RAP1GDS1: variants seen among roughly 807,000 people sequenced by gnomAD.
RAP1GDS1 encodes the protein RAP1, GTP-GDP dissociation stimulator 1.
A neutral mutation model predicts 71.1 loss-of-function variants in RAP1GDS1; 35 were observed. That is an observed-to-expected ratio of 0.49 (90% CI 0.38 to 0.65). The LOEUF is 0.65. Ranked by LOEUF, RAP1GDS1 falls within the 30% of genes least tolerant of loss-of-function variation. The probability of loss-of-function intolerance (pLI) is 0.00; values close to 1 mark genes in which losing one functional copy is unlikely to be tolerated. For missense variants in RAP1GDS1, 663 were observed against 706.1 expected (o/e 0.94, Z 0.69); for synonymous variants, 229 against 243.1 (o/e 0.94, Z 0.54).
intron 4 of RAP1GDS1, among the ~76,000 whole-genome samples, chr4:98,357,147 A>G (rs1227481280): frequency 2.0e-5 from 3 of 151,936 alleles, no homozygotes; most frequent in African/African-American, 7.2e-5. Flanking sequence ...AGTTATATTC[A>G]AAAGGGAACT....
At chr4:98,292,130 C>CT (rs139869872) in intron 1 of RAP1GDS1, among the ~76,000 whole-genome samples, 5,721 of 139,706 alleles carry the variant, frequency 0.041, 244 homozygotes, top group African/African-American at 0.11. Flanking sequence ...TTTTTTTTTC[C>CT]TTTTTTTTTT....
Position 98,385,538 on chromosome 4 carries a change from C to A in RAP1GDS1, c.508+6375C>A, listed in dbSNP as rs73834463. ...AAAGTCCATTCAGAGAGGCGCTGAA[C>A]CCAGAAAAGCATCATGTGTAAATTA... On this transcript the variant is annotated intron_variant, in intron 5 of 14. Transcript: ENST00000408927. 3.8e-3 allele frequency among the ~76,000 whole-genome samples: 581 copies of A among 151,898 alleles called. 6 individuals carry two copies. The highest frequency in any genetic ancestry group is 0.013 in the African/African-American group (556 of 41,498).
chr4:98,433,019 G>A (rs1003193979), intron 12 of RAP1GDS1, among the ~76,000 whole-genome samples: 6 of 152,030 alleles, frequency 3.9e-5, no homozygotes, highest in East Asian at 1.9e-4. Context: ...ATAGTACTGA[G>A]GTAAGAGAGG....
At chr4:98,406,401 T>A (rs1226754184) in intron 7 of RAP1GDS1, among the ~76,000 whole-genome samples, 2 of 151,912 alleles carry the variant, frequency 1.3e-5, no homozygotes, top group Non-Finnish European at 2.9e-5. Context: ...TATATTAATA[T>A]CAAGTAAAAT....
intron 12 of RAP1GDS1, among the ~76,000 whole-genome samples, chr4:98,432,251 TC>T (rs1750532553): frequency 6.6e-6 from 1 of 152,188 alleles, no homozygotes; most frequent in Non-Finnish European, 1.5e-5. Context: ...TCCCTACTCT[TC>T]CTTCTACTAC....
intron 12 of RAP1GDS1, among the ~76,000 whole-genome samples, chr4:98,422,669 G>A (rs146266466): frequency 3.3e-5 from 5 of 152,326 alleles, no homozygotes; most frequent in African/African-American, 7.2e-5. Context: ...GAGAAAAAAC[G>A]TAAAACTAAA....
chr4:98,408,032 TACC>T (rs1390472449), intron 7 of RAP1GDS1, among the ~76,000 whole-genome samples: 19 of 151,836 alleles, frequency 1.3e-4, no homozygotes, highest in African/African-American at 4.4e-4. Flanking sequence ...GAGGAGACCT[TACC>T]GCAGGTCTTA....
chr4:98,283,106 T>G (rs1725420841), intron 1 of RAP1GDS1, among the ~76,000 whole-genome samples: 1 of 152,204 alleles, frequency 6.6e-6, no homozygotes, highest in Non-Finnish European at 1.5e-5. Flanking sequence ...TAAAAACAAT[T>G]TTTTAACTTT....
intron 12 of RAP1GDS1, among the ~76,000 whole-genome samples, chr4:98,422,092 C>T (rs577320687): frequency 1.1e-4 from 16 of 151,810 alleles, no homozygotes; most frequent in African/African-American, 3.1e-4. Flanking sequence ...CCCAGCTACT[C>T]GGGAGGCTGA....
intron 6 of RAP1GDS1, among the ~76,000 whole-genome samples, chr4:98,403,362 G>A (rs1745695751): frequency 6.6e-6 from 1 of 152,162 alleles, no homozygotes. Context: ...GGATTTTGGA[G>A]GTAGATTGAC....
intron 2 of RAP1GDS1, among the ~76,000 whole-genome samples, chr4:98,326,678 C>G (rs758302631): frequency 5.3e-5 from 8 of 152,062 alleles, no homozygotes; most frequent in Non-Finnish European, 1.0e-4. Flanking sequence ...CCTTCCTTTT[C>G]TTGCTTCACA....
At chr4:98,284,053 A>C (rs867833556) in intron 1 of RAP1GDS1, among the ~76,000 whole-genome samples, 32 of 152,140 alleles carry the variant, frequency 2.1e-4, no homozygotes, top group African/African-American at 7.5e-4. Context: ...ACTTGCAGAC[A>C]CACGTATATC....
At chr4:98,433,687 C>T (rs891678879) in intron 12 of RAP1GDS1, among the ~76,000 whole-genome samples, 3 of 152,172 alleles carry the variant, frequency 2.0e-5, no homozygotes, top group Non-Finnish European at 4.4e-5. Flanking sequence ...GCTTCTAAGC[C>T]TTCTGTTTTT....
At chr4:98,325,268 A>C (rs1419116385) in intron 2 of RAP1GDS1, among the ~76,000 whole-genome samples, 1 of 150,362 alleles carries the variant, frequency 6.7e-6, no homozygotes, top group Non-Finnish European at 1.5e-5. Context: ...AAAGTCAGGA[A>C]ACAACAGGTG....
intron 2 of RAP1GDS1, among the ~76,000 whole-genome samples, chr4:98,324,307 G>A (rs1207795031): frequency 6.6e-6 from 1 of 151,798 alleles, no homozygotes; most frequent in African/African-American, 2.4e-5. Context: ...CATGCTCATG[G>A]GTAGGAAGAA....
Position 98,442,778 on chromosome 4 carries a change from T to G in RAP1GDS1, c.*661T>G. 4.4e-6 allele frequency: 1 copy of G among 229,276 alleles called. No homozygotes were observed. Among genetic ancestry groups the G allele is most frequent in the Admixed American group, 5.7e-5 (1 of 17,698 alleles). The allele number at this position is 229,276 out of a possible 1,614,324, so 14.2% of individuals were successfully genotyped here. A position where few individuals can be genotyped will look rare whatever the true frequency, so the allele number is the denominator to read the frequency against. On this transcript the variant is annotated 3_prime_UTR_variant, in exon 15 of 15. Coordinates refer to ENST00000408927, the MANE Select transcript of RAP1GDS1 (RefSeq NM_001100427.2). ...ATTGACTATTATCAATAGCCTGATA[T>G]TGAAAAACATTTGTAGTTTTCAGTG...
rs550826721 is a variant in RAP1GDS1 at position 98,392,620 on chromosome 4, G to A, written c.637+540G>A. 3.9e-5 allele frequency among the ~76,000 whole-genome samples: 6 copies of A among 152,272 alleles called. No individual in the cohort carries two copies. The East Asian group carries it at 1.2e-3, about 29-fold the overall frequency. On this transcript the variant is annotated intron_variant, in intron 6 of 14. Coordinates refer to ENST00000408927, the MANE Select transcript of RAP1GDS1 (RefSeq NM_001100427.2). ...GGAGACCGAGGCAGGAGGATCACTT[G>A]AGCCCAGGAGGCAGAGGTTGCAGTG...
intron 13 of RAP1GDS1, among the ~76,000 whole-genome samples, chr4:98,435,376 T>C (rs1750992398): frequency 6.6e-6 from 1 of 152,226 alleles, no homozygotes; most frequent in African/African-American, 2.4e-5. Context: ...TCAGTGAACA[T>C]ATATTTTGTA....
chr4:98,341,129 A>G (rs1735449179), intron 2 of RAP1GDS1, among the ~76,000 whole-genome samples: 1 of 152,120 alleles, frequency 6.6e-6, no homozygotes, highest in Non-Finnish European at 1.5e-5. Context: ...TCACAGAAAA[A>G]TGGTAGTTCC....
Sources: allele counts gnomAD v4.1 joint callset (sites outside exome capture counted in the v4.1 genomes callset), GRCh38; gene constraint gnomAD v4.1.1; transcripts MANE v1.5; gene names NCBI Gene and HGNC (gene_info 2026-07-23, HGNC 2026-07-21).